Variants in AMMECR1 observed in about 807,000 individuals in gnomAD.
AMMECR1 encodes nuclear protein AMMECR1.
AMMECR1 carries 3 observed loss-of-function variants against 22.5 expected under a neutral mutation model. The observed-to-expected ratio is 0.13, with a 90% CI of 0.06 to 0.35. AMMECR1 has a LOEUF of 0.35. Among genes scored for constraint, AMMECR1 ranks in the 10% least tolerant of loss-of-function variants. AMMECR1 has a pLI of 1.00. For missense variants in AMMECR1, 235 were observed against 278.7 expected (o/e 0.84, Z 1.12); for synonymous variants, 130 against 116.7 (o/e 1.11, Z -0.74).
rs191254613 is a variant in AMMECR1, at chrX:110,218,762, T to A, written c.585-2130A>T. Among the ~76,000 whole-genome samples, 9 of 110,872 alleles carry A rather than the reference T, an allele frequency of 8.1e-5. No individual in the cohort carries two copies. In the East Asian group the frequency reaches 2.5e-3, roughly 31 times the overall value. On this transcript the variant is annotated intron_variant, in intron 2 of 5. Transcript: ENST00000262844. ...ATGCAATATTAGAACATTTTCATCA[T>A]CCTTAAAAGAAACTACGTACCCAAT...
At chrX:110,380,122 C>T (rs1443080689) in intron 2 of AMMECR1, among the ~76,000 whole-genome samples, 1 of 111,136 alleles carries the variant, frequency 9.0e-6, no homozygotes, top group Non-Finnish European at 1.9e-5. Context: ...GGGAATGGGG[C>T]AGGGTGAGAA....
upstream of AMMECR1, among the ~76,000 whole-genome samples, chrX:110,318,998 T>G (rs1316877590): frequency 8.9e-6 from 1 of 112,379 alleles, no homozygotes; most frequent in Non-Finnish European, 1.9e-5. Context: ...TACAAAGCAA[T>G]TAGGAATATT....
chrX:110,211,032 T>A (rs1280976666), intron 3 of AMMECR1, among the ~76,000 whole-genome samples: 1 of 111,853 alleles, frequency 8.9e-6, no homozygotes, highest in Non-Finnish European at 1.9e-5. Flanking sequence ...GACAGCTGTA[T>A]AGAAAAAGTG....
intron 3 of AMMECR1, among the ~76,000 whole-genome samples, chrX:110,209,531 G>T (rs1356596278): frequency 8.9e-6 from 1 of 111,893 alleles, no homozygotes; most frequent in Non-Finnish European, 1.9e-5. Flanking sequence ...AATCTAGAAG[G>T]TACAACTTAA....
chrX:110,393,706 G>C (rs767607258), intron 2 of AMMECR1, among the ~76,000 whole-genome samples: 2 of 111,991 alleles, frequency 1.8e-5, no homozygotes, highest in Non-Finnish European at 3.8e-5. Context: ...ACATTGTTTT[G>C]TTCAAAGCCA....
chrX:110,432,094 A>G (rs1484722537), intron 1 of AMMECR1, among the ~76,000 whole-genome samples: 2 of 111,657 alleles, frequency 1.8e-5, no homozygotes, highest in African/African-American at 6.5e-5. Flanking sequence ...GTTGAAGAGG[A>G]AGCTGGGGAT....
At chrX:110,363,256 T>C (rs1373778156) in intron 2 of AMMECR1, among the ~76,000 whole-genome samples, 1 of 111,477 alleles carries the variant, frequency 9.0e-6, no homozygotes, top group East Asian at 2.8e-4. Flanking sequence ...CACAGCACTG[T>C]GAATTTGTGG....
At chrX:110,342,051 CCT>C (rs2068166507) in intron 2 of AMMECR1, among the ~76,000 whole-genome samples, 1 of 109,264 alleles carries the variant, frequency 9.2e-6, no homozygotes, top group African/African-American at 3.3e-5. Flanking sequence ...AGAGTGAGAC[CCT>C]GTCTCATTTT....
intron 2 of AMMECR1, among the ~76,000 whole-genome samples, chrX:110,416,940 G>A (rs1347189536): frequency 2.7e-5 from 3 of 112,078 alleles, no homozygotes; most frequent in Admixed American, 9.4e-5. Context: ...GCTTTCTCCC[G>A]ATATCTTCAT....
chrX:110,261,006 A>C (rs1424231631), intron 2 of AMMECR1, among the ~76,000 whole-genome samples: 1 of 111,513 alleles, frequency 9.0e-6, no homozygotes, highest in African/African-American at 3.3e-5. Flanking sequence ...ATAGCAACGC[A>C]AAGTAGAATG....
At position 110,197,655 on chromosome X, in the gene AMMECR1, T is replaced by G. The variant is rs2067377235; in HGVS notation, c.*865A>C. The G allele has an allele frequency of 8.9e-6, 1 of 112,179 alleles. No individual in the cohort carries two copies. Among genetic ancestry groups the G allele is most frequent in the African/African-American group, 3.2e-5 (1 of 30,820 alleles). 9.2% of individuals were successfully genotyped at this position (112,179 alleles called of 1,213,427 possible). ...TTAATTATATTCTTCTCAAAGGCAC[T>G]AAATTCTGTATCTGCTCTCTTCCTA... On this transcript the variant is annotated 3_prime_UTR_variant, in exon 6 of 6. Transcript: ENST00000262844.
intron 5 of AMMECR1, among the ~76,000 whole-genome samples, chrX:110,198,845 C>G (rs992898646): frequency 9.0e-6 from 1 of 111,498 alleles, no homozygotes; most frequent in African/African-American, 3.3e-5. Flanking sequence ...GCTCTTTGCA[C>G]TCTACTACTC....
intron 3 of AMMECR1, among the ~76,000 whole-genome samples, chrX:110,215,487 G>A (rs2067468989): frequency 8.9e-6 from 1 of 112,107 alleles, no homozygotes; most frequent in African/African-American, 3.2e-5. Flanking sequence ...TGTGAAGACA[G>A]TGATCTGTCT....
intron 2 of AMMECR1, chrX:110,358,999 A>G (rs2068245130): frequency 8.9e-6 from 1 of 112,001 alleles, no homozygotes; most frequent in Non-Finnish European, 1.9e-5. Flanking sequence ...TGCTCTAAGT[A>G]CTTTATAAGT....
chrX:110,232,392 T>TG (rs1274993754), intron 2 of AMMECR1, among the ~76,000 whole-genome samples: 1 of 112,034 alleles, frequency 8.9e-6, no homozygotes, highest in Non-Finnish European at 1.9e-5. Flanking sequence ...ACATGGAAAC[T>TG]GAACAACTTG....
intron 1 of AMMECR1, among the ~76,000 whole-genome samples, chrX:110,428,763 C>G (rs2068773186): frequency 8.9e-6 from 1 of 111,959 alleles, no homozygotes; most frequent in East Asian, 2.8e-4. Flanking sequence ...ATACCTCCCC[C>G]CATTCCCCTA....
At chrX:110,287,880 C>T (rs920382665) in intron 1 of AMMECR1, among the ~76,000 whole-genome samples, 51 of 111,939 alleles carry the variant, frequency 4.6e-4, no homozygotes, top group African/African-American at 1.7e-3. Context: ...CAACTTAGTA[C>T]AAGAAACCAT....
At position 110,196,320 on chromosome X, in the gene AMMECR1, G is replaced by A. The variant is rs998762332; in HGVS notation, c.*2200C>T. 2 of 111,102 alleles carry A rather than the reference G, an allele frequency of 1.8e-5. No individual in the cohort carries two copies. Among genetic ancestry groups the A allele is most frequent in the Non-Finnish European group, 3.8e-5 (2 of 52,928 alleles). The allele number at this position is 111,102 out of a possible 1,213,427, so 9.2% of individuals were successfully genotyped here. A position where few individuals can be genotyped will look rare whatever the true frequency, so the allele number is the denominator to read the frequency against. On this transcript the variant is annotated 3_prime_UTR_variant, in exon 6 of 6. Transcript: ENST00000262844. The stretch of plus-strand genomic sequence containing the variant: ...AGATGATGGATAAGATGGATTTCAC[G>A]ATAATATTGGTCTATTTTGTCTCTC...
At chrX:110,403,629 G>A (rs1418036315) in intron 2 of AMMECR1, among the ~76,000 whole-genome samples, 1 of 111,657 alleles carries the variant, frequency 9.0e-6, no homozygotes, top group Non-Finnish European at 1.9e-5. Flanking sequence ...CCCTTACCCA[G>A]ACTCATAGCC....
Sources: allele counts gnomAD v4.1 joint callset (sites outside exome capture counted in the v4.1 genomes callset), GRCh38; gene constraint gnomAD v4.1.1; transcripts MANE v1.5; gene names NCBI Gene and HGNC (gene_info 2026-07-23, HGNC 2026-07-21).